Variants in MRPS2 observed in about 807,000 individuals in gnomAD.
The protein encoded by MRPS2 is small ribosomal subunit protein uS2m.
In MRPS2, 13 loss-of-function variants were observed where a neutral mutation model predicts 18.9. The observed-to-expected ratio is 0.69, with a 90% CI of 0.45 to 1.09. MRPS2 has a LOEUF of 1.09. MRPS2 is among the 50% of genes least tolerant of loss of function. MRPS2 has a pLI of 0.00. For synonymous variants in MRPS2, 186 were observed against 178.4 expected, an observed-to-expected ratio of 1.04 and a Z score of -0.34; for missense variants, 389 against 421.7, an observed-to-expected ratio of 0.92 and a Z score of 0.68.
intron 3 of MRPS2, chr9:135,503,156 C>T (rs1172599447): frequency 1.7e-5 from 18 of 1,071,106 alleles, no homozygotes; most frequent in Non-Finnish European, 1.9e-5. Context: ...TAAGTCCAAC[C>T]CCAGAGGGGC....
Position 135,500,763 on chromosome 9 carries a change from C to T in MRPS2, c.43+10C>T, listed in dbSNP as rs761598093. 9 of 1,475,942 alleles carry T rather than the reference C, an allele frequency of 6.1e-6. No individual in the cohort carries two copies. In the South Asian group the frequency reaches 1.2e-4, roughly 20 times the overall value. The allele number at this position is 1,475,942 out of a possible 1,614,324, so 91.4% of individuals were successfully genotyped here. A position where few individuals can be genotyped will look rare whatever the true frequency, so the allele number is the denominator to read the frequency against. On this transcript the variant is annotated intron_variant, in intron 1 of 3. Coordinates refer to ENST00000241600, the MANE Select transcript of MRPS2 (RefSeq NM_016034.5). Reference sequence around the variant, plus strand: ...CGAATACTCGGCGCGGGTGAGCGCGCGCTTGCGGGACCCTGGGGAGGAGCA... The same window carrying T: ...CGAATACTCGGCGCGGGTGAGCGCGTGCTTGCGGGACCCTGGGGAGGAGCA...
Position 135,501,934 on chromosome 9 carries a change from C to G in MRPS2, c.260C>G (p.Ala87Gly). The G allele has an allele frequency of 6.2e-7, 1 of 1,613,768 alleles. No individual in the cohort carries two copies. Among genetic ancestry groups the G allele is most frequent in the Non-Finnish European group, 8.5e-7 (1 of 1,180,002 alleles). The change falls in exon 3 of 4, where the codon GCC becomes GGC. Residue 87 changes from alanine (A) to glycine (G), a missense_variant. By Grantham distance (60) the Ala-to-Gly change is moderately conservative (BLOSUM62 0). Transcript: ENST00000241600. ...ELFSVRSLFDARVHLGHKAGC... is the reference protein window; with the variant it reads ...ELFSVRSLFDGRVHLGHKAGC... ...TTTTCCGTGAGAAGCCTCTTCGATG[C>G]CCGAGTCCATCTGGGACACAAAGCT...
upstream of MRPS2, chr9:135,500,290 A>T (rs1831080180): frequency 3.6e-6 from 1 of 278,214 alleles, no homozygotes; most frequent in Admixed American, 5.2e-5. Flanking sequence ...AGATCTGGCT[A>T]ACTTTATGAA....
In MRPS2 at chr9:135,500,747, G is replaced by T. The variant is rs1176772783; in HGVS notation, c.37G>T (p.Gly13Cys). The T allele has an allele frequency of 6.8e-7, 1 of 1,478,922 alleles. No individual in the cohort carries two copies. Among genetic ancestry groups the T allele is most frequent in the Non-Finnish European group, 8.9e-7 (1 of 1,120,870 alleles). 91.6% of individuals were successfully genotyped at this position (1,478,922 alleles called of 1,614,324 possible). The change falls in exon 1 of 4, where the codon GGC (glycine) becomes TGC (cysteine). Residue 13 changes from glycine (G) to cysteine (C), a missense_variant. Physicochemically the swap from Gly to Cys is radical, Grantham distance 159. Coordinates refer to ENST00000241600, the MANE Select transcript of MRPS2 (RefSeq NM_016034.5). ...CTCGGCCGCGCTGCCCCGAATACTC[G>T]GCGCGGGTGAGCGCGCGCTTGCGGG... is the stretch of plus-strand genomic sequence containing the variant. ...TSSAALPRIL[G>C]AGARAPSRWL...
intron 3 of MRPS2, among the ~76,000 whole-genome samples, chr9:135,502,419 G>C (rs1831170150): frequency 6.6e-6 from 1 of 152,186 alleles, no homozygotes; most frequent in African/African-American, 2.4e-5. Flanking sequence ...GGGCGTTCAG[G>C]GTGAAGGTGG....
chr9:135,500,944 C>T (rs759100916), intron 1 of MRPS2, 54 bp from the exon 2 acceptor site: 2 of 1,601,578 alleles, frequency 1.2e-6, no homozygotes, highest in South Asian at 2.2e-5. Context: ...CGGTGGGGAG[C>T]GGGCGTGGTG....
chr9:135,503,491 A>G, intron 3 of MRPS2, 51 bp from the exon 4 acceptor site: 1 of 1,546,846 alleles, frequency 6.5e-7, no homozygotes, highest in Non-Finnish European at 8.8e-7. Flanking sequence ...GAGCCAGTGG[A>G]GATGGCCCCG....
In MRPS2 at chr9:135,501,980, G is replaced by A. The variant is rs375714164; in HGVS notation, c.299+7G>A. 52 of 1,613,154 alleles carry A rather than the reference G, an allele frequency of 3.2e-5. 1 individual carries two copies. The Middle Eastern group carries it at 1.5e-3, about 46-fold the overall frequency. On this transcript the variant is annotated splice_region_variant and intron_variant, in intron 3 of 3. Transcript: ENST00000241600. ...AAGCTGGCTGTCGGCACAGGTAGGT[G>A]ACACCCCCATCTGAGCCCGGGGCGG...
intron 3 of MRPS2, chr9:135,502,539 G>A (rs1285852843): frequency 1.9e-5 from 3 of 161,030 alleles, no homozygotes; most frequent in Non-Finnish European, 2.7e-5. Context: ...GGGCCGAAGG[G>A]ATCAAACACC....
rs762581662 is a variant in MRPS2 at position 135,503,560 on chromosome 9, C to A, written c.318C>A (p.Ile106=). The change falls in exon 4 of 4, where the codon ATC becomes ATA. Residue 106 remains isoleucine, a synonymous_variant. Coordinates refer to ENST00000241600, the MANE Select transcript of MRPS2 (RefSeq NM_016034.5). ...GCRHRFMEPY[I]FGSRLDHDII... ...CTGGCAGGTTTATGGAGCCGTACAT[C>A]TTTGGGAGCCGCCTGGACCACGACA... 1.9e-6 allele frequency: 3 copies of A among 1,613,386 alleles called. No individual in the cohort carries two copies. The highest frequency in any genetic ancestry group is 2.5e-6 in the Non-Finnish European group (3 of 1,179,840).
At chr9:135,502,005 G>T in intron 3 of MRPS2, 32 bp downstream of exon 3, 1 of 1,612,464 alleles carries the variant, frequency 6.2e-7, no homozygotes, top group Non-Finnish European at 8.5e-7. Flanking sequence ...GCCCGGGGCG[G>T]TTCCCAGGAG....
upstream of MRPS2, chr9:135,500,367 C>T: frequency 2.7e-6 from 1 of 373,790 alleles, no homozygotes; most frequent in East Asian, 4.2e-5. Flanking sequence ...TTGCGCAGGA[C>T]GTGGTTCACA....
chr9:135,501,233 C>T, intron 2 of MRPS2, 110 bp downstream of exon 2: 3 of 1,445,460 alleles, frequency 2.1e-6, no homozygotes, highest in Non-Finnish European at 2.7e-6. Context: ...AAACTGCGCG[C>T]TCCGCTGGGC....
Position 135,501,071 on chromosome 9 carries a change from G to A in MRPS2, c.117G>A (p.Arg39=), listed in dbSNP as rs1474263183. ...ATPRPARPSR[R]TLGSATALMI... is the part of the protein sequence containing the mutation. ...CCCGGCCTGCTCGGCCGAGCCGCAGGACGCTTGGAAGCGCGACGGCCCTTA... is the reference window on the plus strand; with the variant it reads ...CCCGGCCTGCTCGGCCGAGCCGCAGAACGCTTGGAAGCGCGACGGCCCTTA... Residue 39 remains arginine (R), a synonymous_variant, in exon 2 of 4, where the codon AGG becomes AGA. Transcript: ENST00000241600. The A allele has an allele frequency of 6.2e-7, 1 of 1,610,386 alleles. No homozygotes were observed. Among genetic ancestry groups the A allele is most frequent in the African/African-American group, 1.3e-5 (1 of 74,890 alleles).
chr9:135,503,791 T>C lies in MRPS2; in HGVS notation c.549T>C (p.Phe183=), dbSNP rs1476253358. The C allele has an allele frequency of 6.2e-7, 1 of 1,612,940 alleles. No homozygotes were observed. Among genetic ancestry groups the C allele is most frequent in the African/African-American group, 1.3e-5 (1 of 74,928 alleles). ...TGCTGACCAACGCGCGCCTCCTCTT[T>C]GGCCCCACGGTCCGCCTGCCGGACC... ...GGMLTNARLL[F]GPTVRLPDLI... The change falls in exon 4 of 4, where the codon TTT becomes TTC. Residue 183 remains phenylalanine (F), a synonymous_variant. Coordinates refer to ENST00000241600, the MANE Select transcript of MRPS2 (RefSeq NM_016034.5).
upstream of MRPS2, chr9:135,500,678 G>C: frequency 6.9e-7 from 1 of 1,452,948 alleles, no homozygotes; most frequent in Non-Finnish European, 9.0e-7. Flanking sequence ...GCCTGGCCTG[G>C]AGGGAGACCT....
At chr9:135,503,239 C>G (rs190617697) in intron 3 of MRPS2, 139 of 1,238,470 alleles carry the variant, frequency 1.1e-4, no homozygotes, top group Admixed American at 6.0e-4. Flanking sequence ...GGCAGAATGT[C>G]CTTTTGGCGT....
In MRPS2 at chr9:135,504,306, C is replaced by T; in HGVS notation, c.*173C>T. 1.5e-6 allele frequency: 1 copy of T among 657,428 alleles called. No homozygotes were observed. The highest frequency in any genetic ancestry group is 1.9e-5 in the South Asian group (1 of 51,680). The allele number at this position is 657,428 out of a possible 1,614,324, so 40.7% of individuals were successfully genotyped here. On this transcript the variant is annotated 3_prime_UTR_variant, in exon 4 of 4. Coordinates refer to ENST00000241600, the MANE Select transcript of MRPS2 (RefSeq NM_016034.5). This position sits in a 1 kb window ranked among gnomAD's most constrained non-coding sequence, Gnocchi z 4.3. ...CAGTGGCTGAGCGGACCAACGTTGC[C>T]ATGTGCGTTTGCTCTGTGGGGAACA...
chr9:135,501,075 C>T lies in MRPS2; in HGVS notation c.121C>T (p.Leu41Phe). The T allele has an allele frequency of 6.2e-7, 1 of 1,609,942 alleles. No individual in the cohort carries two copies. Among genetic ancestry groups the T allele is most frequent in the Non-Finnish European group, 8.5e-7 (1 of 1,178,782 alleles). Residue 41 changes from leucine (L) to phenylalanine (F), a missense_variant, in exon 2 of 4, where the codon CTT becomes TTT. By Grantham distance (22) the Leu-to-Phe change is conservative (BLOSUM62 0). Transcript: ENST00000241600. ...GCCTGCTCGGCCGAGCCGCAGGACG[C>T]TTGGAAGCGCGACGGCCCTTATGAT... The part of the protein sequence containing the change: ...PRPARPSRRT[L>F]GSATALMIRE...
Sources: allele counts gnomAD v4.1 joint callset (sites outside exome capture counted in the v4.1 genomes callset), GRCh38; gene constraint gnomAD v4.1.1; non-coding constraint Gnocchi (gnomAD v3.1); transcripts MANE v1.5; gene names NCBI Gene and HGNC (gene_info 2026-07-23, HGNC 2026-07-21).